NPAS2: variants seen among roughly 807,000 people sequenced by gnomAD.
The protein encoded by NPAS2 is neuronal PAS domain protein 2.
Under a neutral mutation model 107.5 loss-of-function variants are expected in NPAS2, and 23 were observed. The ratio of observed to expected loss-of-function variants is 0.21; its 90% confidence interval spans 0.15 to 0.30. The LOEUF (loss-of-function observed/expected upper bound fraction) is 0.30, where lower values mean the gene tolerates loss of function less well. NPAS2 is among the 10% of genes least tolerant of loss of function. The pLI, the probability that NPAS2 is intolerant of heterozygous loss-of-function variation, is 1.00. For synonymous variants in NPAS2, 403 were observed against 417.5 expected (o/e 0.97, Z 0.42); for missense variants, 756 against 1,043.3 (o/e 0.72, Z 3.79).
At chr2:100,865,815 T>C (rs1679214760) in intron 1 of NPAS2, among the ~76,000 whole-genome samples, 1 of 152,160 alleles carries the variant, frequency 6.6e-6, no homozygotes, top group South Asian at 2.1e-4. Flanking sequence ...ATTTGGACCA[T>C]ACTCTCTAAG....
chr2:100,959,053 G>A (rs1675749513), intron 7 of NPAS2, among the ~76,000 whole-genome samples: 1 of 137,548 alleles, frequency 7.3e-6, no homozygotes, highest in Non-Finnish European at 1.5e-5. Flanking sequence ...AGGAGTTTGA[G>A]ACCAGCCTGG....
At chr2:100,834,109 A>ACCAG (rs1676911515) in intron 1 of NPAS2, among the ~76,000 whole-genome samples, 1 of 152,066 alleles carries the variant, frequency 6.6e-6, no homozygotes, top group Non-Finnish European at 1.5e-5. Flanking sequence ...CACCGAACAG[A>ACCAG]CCAGCCGACC....
intron 2 of NPAS2, among the ~76,000 whole-genome samples, chr2:100,909,990 G>A (rs1420379651): frequency 6.6e-6 from 1 of 152,102 alleles, no homozygotes; most frequent in African/African-American, 2.4e-5. Flanking sequence ...TTCTTTGATT[G>A]GCTCAGAGGA....
intron 7 of NPAS2, among the ~76,000 whole-genome samples, chr2:100,949,770 A>G (rs1439217187): frequency 6.6e-6 from 1 of 152,192 alleles, no homozygotes; most frequent in Non-Finnish European, 1.5e-5. Flanking sequence ...GTGAGAAACA[A>G]CATACAGGGA....
intron 3 of NPAS2, among the ~76,000 whole-genome samples, chr2:100,929,396 A>G (rs1420322328): frequency 6.6e-6 from 1 of 152,192 alleles, no homozygotes; most frequent in Non-Finnish European, 1.5e-5. Context: ...GGCTATTTAT[A>G]TCACAGCTGC....
At chr2:100,916,718 A>T (rs1280449675) in intron 2 of NPAS2, among the ~76,000 whole-genome samples, 1 of 152,208 alleles carries the variant, frequency 6.6e-6, no homozygotes, top group Non-Finnish European at 1.5e-5. Context: ...AACCAACAGA[A>T]TCTGATTGGT....
In NPAS2 at chr2:100,820,997, C is replaced by A; in HGVS notation, c.-23+583C>A. The A allele has an allele frequency of 7.8e-7, 1 of 1,281,582 alleles. No individual in the cohort carries two copies. Among genetic ancestry groups the A allele is most frequent in the Non-Finnish European group, 1.0e-6 (1 of 975,886 alleles). 79.4% of individuals were successfully genotyped at this position (1,281,582 alleles called of 1,614,324 possible). On this transcript the variant is annotated intron_variant, in intron 1 of 20. Coordinates refer to ENST00000335681, the MANE Select transcript of NPAS2 (RefSeq NM_002518.4). This position sits in a 1 kb window ranked among gnomAD's most constrained non-coding sequence, Gnocchi z 5.6. ...GGCTCCTCACGTCGCTGCCGCCCCC[C>A]CACCCCAACTCCGGAGCTCCCCAGG...
chr2:100,862,973 G>C (rs757024454), intron 1 of NPAS2, among the ~76,000 whole-genome samples: 1 of 152,190 alleles, frequency 6.6e-6, no homozygotes, highest in Non-Finnish European at 1.5e-5. Context: ...GGTCAGGAAG[G>C]AGTAAGCTCT....
chr2:100,863,337 T>C (rs10196787), intron 1 of NPAS2, among the ~76,000 whole-genome samples: 4,618 of 152,236 alleles, frequency 0.03, 116 homozygotes, highest in African/African-American at 0.057. Context: ...GCTTGGTTGA[T>C]TAGTTGGTTG....
At chr2:100,980,764 C>T (rs1677387419) in intron 15 of NPAS2, among the ~76,000 whole-genome samples, 1 of 152,184 alleles carries the variant, frequency 6.6e-6, no homozygotes, top group Non-Finnish European at 1.5e-5. Flanking sequence ...AGTCACCGCC[C>T]CAGGCCCAGC....
chr2:100,985,561 A>G (rs879877330), intron 16 of NPAS2: 4 of 152,258 alleles, frequency 2.6e-5, no homozygotes, highest in Non-Finnish European at 4.4e-5. Context: ...TCATATGTTT[A>G]TTCATTCATA....
At chr2:100,898,829 T>C (rs1010644601) in intron 1 of NPAS2, among the ~76,000 whole-genome samples, 1 of 151,838 alleles carries the variant, frequency 6.6e-6, no homozygotes, top group African/African-American at 2.4e-5. Flanking sequence ...GAAAACACAT[T>C]GTGCATATTA....
At chr2:100,830,073 C>G (rs966740278) in intron 1 of NPAS2, among the ~76,000 whole-genome samples, 1 of 152,204 alleles carries the variant, frequency 6.6e-6, no homozygotes, top group Non-Finnish European at 1.5e-5. Context: ...CTGGGGACAT[C>G]ATGAGGCAGC....
rs114496633 is a variant in NPAS2, at chr2:100,832,506, C to T, written c.-23+12092C>T. On this transcript the variant is annotated intron_variant, in intron 1 of 20. Coordinates refer to ENST00000335681, the MANE Select transcript of NPAS2 (RefSeq NM_002518.4). ...GGATTTATTGGGCAGCAAGGTGGTG[C>T]GCTCCAGTGTGCGCCACATCTGTTT... Among the ~76,000 whole-genome samples the T allele has an allele frequency of 9.5e-3, 1,443 of 152,242 alleles. 17 individuals carry two copies. The highest frequency in any genetic ancestry group is 0.016 in the Non-Finnish European group (1,091 of 68,024).
intron 1 of NPAS2, among the ~76,000 whole-genome samples, chr2:100,859,287 T>C (rs148699460): frequency 3.3e-5 from 5 of 152,118 alleles, no homozygotes; most frequent in Admixed American, 2.6e-4. Context: ...GCATTTGTGA[T>C]GGAAAGACCA....
intron 7 of NPAS2, among the ~76,000 whole-genome samples, chr2:100,960,269 A>G (rs1170389168): frequency 6.6e-6 from 1 of 152,132 alleles, no homozygotes; most frequent in African/African-American, 2.4e-5. Context: ...AAAGACCATC[A>G]TGATAGCACG....
intron 1 of NPAS2, among the ~76,000 whole-genome samples, chr2:100,885,025 T>C (rs534683551): frequency 6.6e-6 from 1 of 152,086 alleles, no homozygotes; most frequent in Admixed American, 6.5e-5. Context: ...CTTGGCTCAC[T>C]GCAAGCTTCA....
At chr2:100,820,116 A>C (rs1259566527), upstream of NPAS2, 1 of 150,742 alleles carries the variant, frequency 6.6e-6, no homozygotes, top group Non-Finnish European at 1.5e-5. The surrounding 1 kb of genome is among the most constrained non-coding windows in gnomAD (Gnocchi z 5.6). Context: ...GCAGAGGCGG[A>C]GGCGGCTCTC....
rs1676478250 is a variant in NPAS2 at position 100,827,789 on chromosome 2, G to A, written c.-23+7375G>A. Among the ~76,000 whole-genome samples, 3 of 152,224 alleles carry A rather than the reference G, an allele frequency of 2.0e-5. No homozygotes were observed. The South Asian group carries it at 6.2e-4, about 32-fold the overall frequency. On this transcript the variant is annotated intron_variant, in intron 1 of 20. Transcript: ENST00000335681. ...CATTTTCTTTATCCAGTTCACTGTT[G>A]ATGGGCATCTAGGTTGATTCCATGT...
Sources: allele counts gnomAD v4.1 joint callset (sites outside exome capture counted in the v4.1 genomes callset), GRCh38; gene constraint gnomAD v4.1.1; non-coding constraint Gnocchi (gnomAD v3.1); transcripts MANE v1.5; gene names NCBI Gene and HGNC (gene_info 2026-07-23, HGNC 2026-07-21).